Variants in SUMO2 observed in about 807,000 individuals in gnomAD.
SUMO2 encodes the protein small ubiquitin like modifier 2.
Under a neutral mutation model 16.0 loss-of-function variants are expected in SUMO2, and 1 was observed. The ratio of observed to expected loss-of-function variants is 0.06; its 90% confidence interval spans 0.02 to 0.30. SUMO2 has a LOEUF of 0.30. Among genes scored for constraint, SUMO2 ranks in the 10% least tolerant of loss-of-function variants. SUMO2 has a pLI of 1.00. For missense variants in SUMO2, 16 were observed against 117.5 expected, an observed-to-expected ratio of 0.14 and a Z score of 3.99; for synonymous variants, 36 against 40.6, an observed-to-expected ratio of 0.89 and a Z score of 0.43.
At chr17:75,169,033 A>G (rs1568044761) in intron 3 of SUMO2, among the ~76,000 whole-genome samples, 1 of 151,288 alleles carries the variant, frequency 6.6e-6, no homozygotes, top group African/African-American at 2.4e-5. Context: ...CACCTGGGCA[A>G]CATAGGGAGA....
chr17:75,168,610 TTTTG>T (rs1012640347), intron 3 of SUMO2, among the ~76,000 whole-genome samples: 1 of 151,242 alleles, frequency 6.6e-6, no homozygotes, highest in Non-Finnish European at 1.5e-5. Flanking sequence ...GATAAAACTT[TTTTG>T]TTTTTTTTTT....
chr17:75,181,774 T>C (rs2074830773), intron 1 of SUMO2, among the ~76,000 whole-genome samples: 1 of 152,086 alleles, frequency 6.6e-6, no homozygotes, highest in Non-Finnish European at 1.5e-5. Flanking sequence ...ACAGTTAACG[T>C]TCTCCTCTAT....
chr17:75,177,960 G>A (rs1293959592), intron 2 of SUMO2, among the ~76,000 whole-genome samples: 8 of 123,212 alleles, frequency 6.5e-5, no homozygotes. Context: ...CTACACTCCA[G>A]TCTGACCGAC....
intron 3 of SUMO2, among the ~76,000 whole-genome samples, chr17:75,172,008 C>T (rs530900241): frequency 1.5e-4 from 22 of 149,244 alleles, no homozygotes; most frequent in Non-Finnish European, 2.4e-4. Context: ...ACCATAATTG[C>T]GCCTTTTTTT....
Position 75,181,061 on chromosome 17 carries a change from C to T in SUMO2, c.149G>A (p.Arg50Gln). 1 of 1,613,890 alleles carries T rather than the reference C, an allele frequency of 6.2e-7. No individual in the cohort carries two copies. Among genetic ancestry groups the T allele is most frequent in the Non-Finnish European group, 8.5e-7 (1 of 1,179,912 alleles). Residue 50 changes from arginine (R) to glutamine (Q), a missense_variant, in exon 2 of 4, where the codon CGA becomes CAA. Transcript: ENST00000420826. ...GTACACATATGAATTCCTCACCTGTCGTTCACAATAGGCTTTCATTAGTTT... is the reference window on the plus strand; with the variant it reads ...GTACACATATGAATTCCTCACCTGTTGTTCACAATAGGCTTTCATTAGTTT... ...LSKLMKAYCERQGLSMRQIRF... is the reference protein window; with the variant it reads ...LSKLMKAYCEQQGLSMRQIRF...
intron 2 of SUMO2, among the ~76,000 whole-genome samples, chr17:75,176,146 T>C (rs376795160): frequency 7.2e-5 from 11 of 151,858 alleles, no homozygotes; most frequent in East Asian, 5.8e-4. Context: ...TTCAAGTGAC[T>C]TTCCTGCCTC....
intron 2 of SUMO2, 47 bp from the exon 3 acceptor site, chr17:75,174,870 T>C: frequency 6.5e-7 from 1 of 1,535,306 alleles, no homozygotes; most frequent in Non-Finnish European, 8.9e-7. Flanking sequence ...AGAAACAGAA[T>C]TCTATTTACA....
At chr17:75,174,619 C>T in intron 3 of SUMO2, 133 bp downstream of exon 3, 1 of 676,196 alleles carries the variant, frequency 1.5e-6, no homozygotes, top group Non-Finnish European at 2.4e-6. Context: ...TTCTGTTCCC[C>T]TCTGGTCATA....
chr17:75,181,261 C>A, intron 1 of SUMO2, 73 bp from the exon 2 acceptor site: 1 of 1,494,820 alleles, frequency 6.7e-7, no homozygotes. Flanking sequence ...CAGCAGCAGC[C>A]CTAGTTGCTT....
intron 3 of SUMO2, among the ~76,000 whole-genome samples, 182 bp from the exon 4 acceptor site, chr17:75,168,583 C>CT (rs1046888893): frequency 4.6e-5 from 7 of 151,682 alleles, no homozygotes; most frequent in African/African-American, 1.7e-4. Flanking sequence ...ACTTGGCTTC[C>CT]TTTTTTATGA....
intron 1 of SUMO2, 131 bp downstream of exon 1, chr17:75,182,683 G>T: frequency 2.9e-6 from 2 of 701,590 alleles, no homozygotes; most frequent in Non-Finnish European, 3.9e-6. Flanking sequence ...GAGCGCCCGG[G>T]CCTGAGCCGC....
chr17:75,171,040 T>G (rs2074734244), intron 3 of SUMO2, among the ~76,000 whole-genome samples: 1 of 150,950 alleles, frequency 6.6e-6, no homozygotes, highest in Non-Finnish European at 1.5e-5. Flanking sequence ...ACTGACTATA[T>G]AAGTTAGCCA....
chr17:75,180,725 AAAT>A (rs1173778762), intron 2 of SUMO2, among the ~76,000 whole-genome samples: 5 of 152,194 alleles, frequency 3.3e-5, no homozygotes, highest in African/African-American at 1.2e-4. Flanking sequence ...AAATAAAATA[AAAT>A]AATAAAAGAC....
chr17:75,180,414 A>AC (rs1454787574), intron 2 of SUMO2, among the ~76,000 whole-genome samples: 3 of 145,724 alleles, frequency 2.1e-5, no homozygotes, highest in Admixed American at 6.9e-5. Flanking sequence ...AAAAAAAAAA[A>AC]AAAAAAACGA....
At chr17:75,182,128 T>C (rs1015285964) in intron 1 of SUMO2, among the ~76,000 whole-genome samples, 2 of 152,036 alleles carry the variant, frequency 1.3e-5, no homozygotes, top group Non-Finnish European at 1.5e-5. Context: ...TGCCTCCAAC[T>C]TCATGAAACC....
chr17:75,169,142 G>A (rs1223103122), intron 3 of SUMO2, among the ~76,000 whole-genome samples: 2 of 151,894 alleles, frequency 1.3e-5, no homozygotes, highest in Non-Finnish European at 2.9e-5. Flanking sequence ...CGAGGTGGGA[G>A]GATCAATTGA....
At chr17:75,171,489 G>A (rs1382294240) in intron 3 of SUMO2, among the ~76,000 whole-genome samples, 1 of 151,550 alleles carries the variant, frequency 6.6e-6, no homozygotes, top group Non-Finnish European at 1.5e-5. Flanking sequence ...ACTCCAGTCT[G>A]GGAGACAGGG....
chr17:75,180,910 C>T (rs2074824113), intron 2 of SUMO2, 147 bp downstream of exon 2: 1 of 834,222 alleles, frequency 1.2e-6, no homozygotes, highest in Non-Finnish European at 1.9e-6. Context: ...TATCAATATA[C>T]CAAGTGCACG....
At chr17:75,181,324 T>A (rs762569728) in intron 1 of SUMO2, 136 bp from the exon 2 acceptor site, 9 of 870,046 alleles carry the variant, frequency 1.0e-5, no homozygotes, top group Non-Finnish European at 1.6e-5. Context: ...ACTGCTGTTT[T>A]CAGCTGCTGA....
Sources: gnomAD v4.1 joint callset for allele counts (sites outside exome capture counted in the v4.1 genomes callset) on GRCh38, gnomAD v4.1.1 for gene constraint, MANE v1.5 for transcripts, NCBI Gene and HGNC (gene_info 2026-07-23, HGNC 2026-07-21) for gene names.